The following SLC4A4 variants were observed in gnomAD, a reference collection of about 807,000 sequenced individuals.
The protein encoded by SLC4A4 is solute carrier family 4 member 4, also known as electrogenic sodium bicarbonate cotransporter 1.
In SLC4A4, 27 loss-of-function variants were observed where a neutral mutation model predicts 111.5. The observed-to-expected ratio is 0.24, with a 90% CI of 0.18 to 0.33. SLC4A4 has a LOEUF of 0.33. SLC4A4 is among the 10% of genes least tolerant of loss of function. SLC4A4 has a pLI of 1.00. For synonymous variants in SLC4A4, 443 were observed against 463.4 expected (o/e 0.96, Z 0.57); for missense variants, 909 against 1,315.5 (o/e 0.69, Z 4.78).
intron 1 of SLC4A4, among the ~76,000 whole-genome samples, chr4:71,225,362 A>T (rs1718980695): frequency 6.6e-6 from 1 of 152,116 alleles, no homozygotes; most frequent in Non-Finnish European, 1.5e-5. Flanking sequence ...AAAAAAAAAA[A>T]AAGATAATGA....
chr4:71,239,146 G>A (rs958205431), intron 2 of SLC4A4, among the ~76,000 whole-genome samples: 2 of 152,130 alleles, frequency 1.3e-5, no homozygotes, highest in Admixed American at 1.3e-4. Context: ...AAGGCAAGGA[G>A]CTGGAACACT....
intron 1 of SLC4A4, among the ~76,000 whole-genome samples, chr4:71,196,364 G>T (rs912604255): frequency 1.3e-5 from 2 of 151,890 alleles, no homozygotes; most frequent in African/African-American, 4.8e-5. Flanking sequence ...GGAGAAGGCG[G>T]ATAGGAAATG....
At chr4:71,503,529 A>G (rs1731130475) in intron 16 of SLC4A4, among the ~76,000 whole-genome samples, 1 of 152,194 alleles carries the variant, frequency 6.6e-6, no homozygotes, top group Non-Finnish European at 1.5e-5. Context: ...ATAATACTCT[A>G]TTTTAAGCTG....
At chr4:71,423,828 G>A (rs1350887563) in intron 7 of SLC4A4, among the ~76,000 whole-genome samples, 4 of 152,090 alleles carry the variant, frequency 2.6e-5, no homozygotes, top group East Asian at 3.9e-4. Context: ...TACACCTTAT[G>A]CAAAAATCAA....
intron 6 of SLC4A4, among the ~76,000 whole-genome samples, chr4:71,385,343 C>A (rs1253039500): frequency 6.6e-6 from 1 of 151,090 alleles, no homozygotes; most frequent in African/African-American, 2.4e-5. Context: ...GGATTACAGG[C>A]ATGCACCATC....
chr4:71,206,285 T>C (rs1717761011), intron 1 of SLC4A4, among the ~76,000 whole-genome samples: 1 of 152,212 alleles, frequency 6.6e-6, no homozygotes, highest in Non-Finnish European at 1.5e-5. Flanking sequence ...GGTATTTTAA[T>C]TGAAGTTCAT....
intron 8 of SLC4A4, among the ~76,000 whole-genome samples, chr4:71,446,427 A>G (rs1304987125): frequency 1.3e-5 from 2 of 152,182 alleles, no homozygotes; most frequent in African/African-American, 4.8e-5. Context: ...TATGGAAGTC[A>G]TTTTTGGACT....
chr4:71,546,304 G>A lies in SLC4A4; in HGVS notation c.2443-46G>A, dbSNP rs372085559. The stretch of plus-strand genomic sequence containing the variant: ...CCCTCTGGAAATATGACTAGATAGC[G>A]AATATGAGTCTTTTCTTCACATGGT... On this transcript the variant is annotated intron_variant, in intron 18 of 25. Coordinates refer to ENST00000264485, the MANE Select transcript of SLC4A4 (RefSeq NM_001098484.3). 158 of 1,509,102 alleles carry A rather than the reference G, an allele frequency of 1.0e-4. 1 individual carries two copies. The highest frequency in any genetic ancestry group is 1.3e-4 in the Non-Finnish European group (139 of 1,085,364). 93.5% of individuals were successfully genotyped at this position (1,509,102 alleles called of 1,614,324 possible).
At chr4:71,113,483 C>T (rs1233628964) in intron 2 of SLC4A4, among the ~76,000 whole-genome samples, 9 of 152,170 alleles carry the variant, frequency 5.9e-5, no homozygotes. Flanking sequence ...ACTGAAGATC[C>T]CAGGAGACTT....
At chr4:71,271,940 A>T (rs1722731690) in intron 3 of SLC4A4, among the ~76,000 whole-genome samples, 1 of 152,176 alleles carries the variant, frequency 6.6e-6, no homozygotes, top group South Asian at 2.1e-4. Flanking sequence ...TGATAAGGAA[A>T]CTCATCCTCA....
At chr4:71,541,025 G>A (rs1413682894) in intron 18 of SLC4A4, among the ~76,000 whole-genome samples, 1 of 152,022 alleles carries the variant, frequency 6.6e-6, no homozygotes, top group Non-Finnish European at 1.5e-5. Context: ...TGCATTGTAG[G>A]CTGTTTATCA....
chr4:71,429,382 G>T (rs1723442223), intron 7 of SLC4A4, among the ~76,000 whole-genome samples: 1 of 151,928 alleles, frequency 6.6e-6, no homozygotes. Context: ...GTGATAGCTG[G>T]GTTGTTGTTG....
chr4:71,501,955 G>A (rs940584058), intron 16 of SLC4A4, among the ~76,000 whole-genome samples: 5 of 150,878 alleles, frequency 3.3e-5, no homozygotes, highest in Non-Finnish European at 7.4e-5. Context: ...GAACCACCAT[G>A]CCTGGCCTAT....
At chr4:71,077,157 G>A (rs898625463) in intron 1 of SLC4A4, among the ~76,000 whole-genome samples, 1 of 149,758 alleles carries the variant, frequency 6.7e-6, no homozygotes, top group Non-Finnish European at 1.5e-5. Flanking sequence ...GATTTTTAGA[G>A]TATGTACTTT....
intron 3 of SLC4A4, among the ~76,000 whole-genome samples, chr4:71,310,942 TGCAAAGACACACATAC>T (rs1191009590): frequency 5.3e-5 from 8 of 152,168 alleles, no homozygotes; most frequent in African/African-American, 1.9e-4. Flanking sequence ...CCATCTCATG[TGCAAAGACACACATAC>T]GCTCAAAATA....
intron 4 of SLC4A4, among the ~76,000 whole-genome samples, chr4:71,346,704 C>T (rs539841153): frequency 8.6e-5 from 13 of 151,954 alleles, no homozygotes; most frequent in Admixed American, 3.9e-4. Flanking sequence ...CCTTGATATG[C>T]GAGGAGGCTA....
rs146067772 is a variant in SLC4A4, at chr4:71,140,725, C to A, written c.-2+47933C>A. Among the ~76,000 whole-genome samples the A allele has an allele frequency of 1.9e-3, 293 of 152,230 alleles. 1 individual carries two copies. Among genetic ancestry groups the A allele is most frequent in the African/African-American group, 6.9e-3 (286 of 41,552 alleles). The stretch of plus-strand genomic sequence containing the variant: ...TCTTATTTCCTTCCTCATCATATGA[C>A]GATCTGTTGGCTTACTTTCAAAACG... On this transcript the variant is annotated intron_variant, in intron 2 of 26. Transcript: ENST00000649996.
intron 6 of SLC4A4, among the ~76,000 whole-genome samples, chr4:71,370,526 A>G (rs1731769342): frequency 6.6e-6 from 1 of 152,066 alleles, no homozygotes; most frequent in South Asian, 2.1e-4. Flanking sequence ...TGGATCTACC[A>G]CTCCTGGCTT....
At chr4:71,237,877 G>T (rs1468726281) in intron 2 of SLC4A4, among the ~76,000 whole-genome samples, 1 of 152,202 alleles carries the variant, frequency 6.6e-6, no homozygotes, top group Non-Finnish European at 1.5e-5. Flanking sequence ...GGAAACTACA[G>T]TATTTTCTTT....
Sources: allele counts gnomAD v4.1 joint callset (sites outside exome capture counted in the v4.1 genomes callset), GRCh38; gene constraint gnomAD v4.1.1; transcripts MANE v1.5; gene names NCBI Gene and HGNC (gene_info 2026-07-23, HGNC 2026-07-21).